The following RB1 variants were observed in gnomAD, a reference collection of about 807,000 sequenced individuals.
RB1 encodes the protein retinoblastoma-associated protein.
A neutral mutation model predicts 135.4 loss-of-function variants in RB1; 18 were observed. The observed-to-expected ratio is 0.13, with a 90% CI of 0.09 to 0.20. The LOEUF (loss-of-function observed/expected upper bound fraction) is 0.20. Among genes scored for constraint, RB1 ranks in the 10% least tolerant of loss-of-function variants. The pLI is 1.00. For synonymous variants in RB1, 365 were observed against 373.2 expected, an observed-to-expected ratio of 0.98 and a Z score of 0.25; for missense variants, 868 against 1,110.0, an observed-to-expected ratio of 0.78 and a Z score of 3.10.
chr13:48,464,994 T>G lies in RB1; in HGVS notation c.2212-4T>G. The G allele has an allele frequency of 1.3e-6, 1 of 799,478 alleles. No individual in the cohort carries two copies. The highest frequency in any genetic ancestry group is 2.0e-6 in the Non-Finnish European group (1 of 496,656). The allele number at this position is 799,478 out of a possible 1,614,324, so 49.5% of individuals were successfully genotyped here. ...TTTTTTTTTTTTTTACTGTTCTTCC[T>G]CAGACATTCAAACGTGTTTTGATCA... On this transcript the variant is annotated splice_region_variant and splice_polypyrimidine_tract_variant and intron_variant, in intron 21 of 26. Coordinates refer to ENST00000267163, the MANE Select transcript of RB1 (RefSeq NM_000321.3).
At chr13:48,401,986 A>C (rs1948696300) in intron 17 of RB1, among the ~76,000 whole-genome samples, 1 of 152,124 alleles carries the variant, frequency 6.6e-6, no homozygotes, top group Non-Finnish European at 1.5e-5. Context: ...TAATTGTCTA[A>C]AAGTTTTTAA....
At chr13:48,304,632 C>T (rs764767487) in intron 1 of RB1, among the ~76,000 whole-genome samples, 16 of 152,114 alleles carry the variant, frequency 1.1e-4, no homozygotes, top group Non-Finnish European at 2.4e-4. Flanking sequence ...TTCCTTAGAA[C>T]AATAATGCAT....
chr13:48,316,491 T>C (rs1357360507), intron 2 of RB1, among the ~76,000 whole-genome samples: 1 of 152,060 alleles, frequency 6.6e-6, no homozygotes, highest in Admixed American at 6.6e-5. Flanking sequence ...AATCTAAGAC[T>C]TGTATGCAGA....
intron 2 of RB1, among the ~76,000 whole-genome samples, chr13:48,311,981 G>C (rs897470583): frequency 6.6e-6 from 1 of 152,224 alleles, no homozygotes; most frequent in Non-Finnish European, 1.5e-5. Flanking sequence ...CATTACAGGC[G>C]TGAGCCACTG....
At chr13:48,447,165 CT>C (rs2138320000) in intron 17 of RB1, among the ~76,000 whole-genome samples, 1 of 152,210 alleles carries the variant, frequency 6.6e-6, no homozygotes, top group East Asian at 1.9e-4. Context: ...GACTCCTTGT[CT>C]TTTTTGCTTT....
intron 17 of RB1, among the ~76,000 whole-genome samples, chr13:48,440,852 CAA>C (rs1297252591): frequency 6.6e-6 from 1 of 151,904 alleles, no homozygotes; most frequent in Non-Finnish European, 1.5e-5. Flanking sequence ...TCAGAGAAAA[CAA>C]TTTTAAAATT....
chr13:48,318,890 C>G, intron 2 of RB1: 1 of 1,133,936 alleles, frequency 8.8e-7, no homozygotes, highest in Non-Finnish European at 1.3e-6. Flanking sequence ...CTGATCGATG[C>G]TGTCGTCGCT....
At chr13:48,467,338 C>A (rs1949452696) in intron 23 of RB1, among the ~76,000 whole-genome samples, 1 of 134,464 alleles carries the variant, frequency 7.4e-6, no homozygotes, top group Non-Finnish European at 1.6e-5. Flanking sequence ...AAATAAAATC[C>A]TTTACAGACA....
At chr13:48,406,478 A>G (rs906028575) in intron 17 of RB1, 2 of 152,100 alleles carry the variant, frequency 1.3e-5, no homozygotes, top group Non-Finnish European at 2.9e-5. Context: ...TGTTGTGATT[A>G]TTTTTCTTTT....
intron 7 of RB1, among the ~76,000 whole-genome samples, chr13:48,361,483 G>A (rs986678325): frequency 2.0e-5 from 3 of 152,038 alleles, no homozygotes; most frequent in Non-Finnish European, 2.9e-5. Flanking sequence ...TTATTTTGAA[G>A]CACATCTTTG....
At chr13:48,311,698 A>T (rs924652750) in intron 2 of RB1, among the ~76,000 whole-genome samples, 10 of 152,030 alleles carry the variant, frequency 6.6e-5, no homozygotes, top group African/African-American at 2.4e-4. Context: ...GTTTTTTATT[A>T]ATGTATTTTT....
chr13:48,334,765 C>T (rs1045295926), intron 2 of RB1, among the ~76,000 whole-genome samples: 5 of 152,024 alleles, frequency 3.3e-5, no homozygotes, highest in African/African-American at 1.2e-4. Flanking sequence ...TTTAAAAAAG[C>T]GAGTATAAGT....
At chr13:48,375,760 G>A (rs981813016) in intron 12 of RB1, among the ~76,000 whole-genome samples, 5 of 150,806 alleles carry the variant, frequency 3.3e-5, no homozygotes, top group Non-Finnish European at 7.4e-5. Flanking sequence ...TGTAATTTTT[G>A]TGGAGATGGT....
chr13:48,305,522 C>T (rs940119413), intron 1 of RB1, among the ~76,000 whole-genome samples: 9 of 152,110 alleles, frequency 5.9e-5, no homozygotes, highest in Non-Finnish European at 5.9e-5. Flanking sequence ...ATGCACACAG[C>T]TTTGGAAGCA....
chr13:48,322,880 G>A (rs1952253224), intron 2 of RB1, among the ~76,000 whole-genome samples: 1 of 151,902 alleles, frequency 6.6e-6, no homozygotes, highest in African/African-American at 2.4e-5. Context: ...TGGTCACAAT[G>A]TATAATCCTT....
In RB1 at chr13:48,365,573, G is replaced by C. The variant is rs565514173; in HGVS notation, c.939+602G>C. Among the ~76,000 whole-genome samples, 12 of 152,218 alleles carry C rather than the reference G, an allele frequency of 7.9e-5. No individual in the cohort carries two copies. The East Asian group carries it at 1.5e-3, about 20-fold the overall frequency. ...TTTGCATGGTAAGACGAAATATGTG[G>C]AGAAAAGGATGCTGTGATAGATGAT... On this transcript the variant is annotated intron_variant, in intron 9 of 26. Coordinates refer to ENST00000267163, the MANE Select transcript of RB1 (RefSeq NM_000321.3).
At chr13:48,466,554 C>A (rs1197488481) in intron 23 of RB1, among the ~76,000 whole-genome samples, 1 of 152,088 alleles carries the variant, frequency 6.6e-6, no homozygotes, top group Non-Finnish European at 1.5e-5. Flanking sequence ...CAAAGTTGGA[C>A]GGAGAATGAC....
At chr13:48,359,854 AAC>A (rs1194192076) in intron 6 of RB1, among the ~76,000 whole-genome samples, 161 bp from the exon 7 acceptor site, 3 of 151,272 alleles carry the variant, frequency 2.0e-5, no homozygotes, top group Non-Finnish European at 4.4e-5. Flanking sequence ...TACCTTTTAA[AAC>A]AGATTTTTTT....
At chr13:48,413,090 T>C (rs537301699) in intron 17 of RB1, 13 of 167,278 alleles carry the variant, frequency 7.8e-5, no homozygotes, top group Admixed American at 3.3e-4. Context: ...CAGTTGCCAG[T>C]TGTATCTTGA....
Sources: gnomAD v4.1 joint callset for allele counts (sites outside exome capture counted in the v4.1 genomes callset) on GRCh38, gnomAD v4.1.1 for gene constraint, MANE v1.5 for transcripts, NCBI Gene and HGNC (gene_info 2026-07-23, HGNC 2026-07-21) for gene names.